The following NTM variants were observed in gnomAD, a reference collection of about 807,000 sequenced individuals.
The protein encoded by NTM is IgLON family member 2.
Under a neutral mutation model 42.1 loss-of-function variants are expected in NTM, and 13 were observed. The observed-to-expected ratio is 0.31, with a 90% CI of 0.20 to 0.49. The LOEUF (loss-of-function observed/expected upper bound fraction) is 0.49. NTM is among the 20% of genes least tolerant of loss of function. NTM has a pLI of 0.99. For synonymous variants in NTM, 187 were observed against 179.2 expected (o/e 1.04, Z -0.35); for missense variants, 373 against 452.8 (o/e 0.82, Z 1.60).
chr11:131,531,623 T>C (rs1179345284), intron 1 of NTM, among the ~76,000 whole-genome samples: 1 of 152,220 alleles, frequency 6.6e-6, no homozygotes, highest in African/African-American at 2.4e-5. Context: ...GGCATAGAAC[T>C]AAAATAAAAC....
At chr11:132,325,711 C>A (rs374563908) in intron 7 of NTM, among the ~76,000 whole-genome samples, 6 of 152,132 alleles carry the variant, frequency 3.9e-5, no homozygotes, top group Admixed American at 6.5e-5. Context: ...TAAAGACACA[C>A]GCACACATAT....
At chr11:131,464,359 T>TGGG (rs143677319) in intron 1 of NTM, among the ~76,000 whole-genome samples, 23 of 146,256 alleles carry the variant, frequency 1.6e-4, no homozygotes, top group African/African-American at 5.5e-4. Context: ...CAGGGAAAGC[T>TGGG]GGGGGGGGGG....
At chr11:131,933,475 G>C (rs1300543846) in intron 2 of NTM, among the ~76,000 whole-genome samples, 1 of 152,126 alleles carries the variant, frequency 6.6e-6, no homozygotes, top group East Asian at 1.9e-4. Flanking sequence ...CATTTATCTA[G>C]GTTAAAGGTA....
At chr11:131,905,630 AT>A (rs58756008) in intron 1 of NTM, among the ~76,000 whole-genome samples, 37 of 145,688 alleles carry the variant, frequency 2.5e-4, no homozygotes, top group African/African-American at 7.3e-4. Flanking sequence ...TGTCTTTTCC[AT>A]TTTTTTTTTC....
intron 1 of NTM, among the ~76,000 whole-genome samples, chr11:131,377,989 G>A (rs889765287): frequency 3.2e-4 from 48 of 152,202 alleles, no homozygotes; most frequent in African/African-American, 1.1e-3. Flanking sequence ...GATCCTCAGT[G>A]GGTAGGTGCA....
intron 1 of NTM, among the ~76,000 whole-genome samples, chr11:131,847,792 G>A (rs527472995): frequency 2.0e-5 from 3 of 152,326 alleles, no homozygotes; most frequent in East Asian, 3.9e-4. Flanking sequence ...CACGCTCTGT[G>A]ACTGGGGAGG....
chr11:132,280,445 G>A (rs1228697932), intron 4 of NTM, among the ~76,000 whole-genome samples: 2 of 148,318 alleles, frequency 1.3e-5, no homozygotes, highest in Non-Finnish European at 3.0e-5. Context: ...GACATCTCCT[G>A]GCCTCACCAC....
At chr11:132,226,915 T>G (rs1309053073) in intron 4 of NTM, among the ~76,000 whole-genome samples, 1 of 152,248 alleles carries the variant, frequency 6.6e-6, no homozygotes, top group East Asian at 1.9e-4. Context: ...TAATATACTA[T>G]TCTTGTCCAT....
At chr11:132,030,998 C>T (rs944159705) in intron 2 of NTM, among the ~76,000 whole-genome samples, 5 of 152,136 alleles carry the variant, frequency 3.3e-5, no homozygotes, top group African/African-American at 1.2e-4. Flanking sequence ...AGCTACTCAC[C>T]CAGACCTGGT....
At chr11:131,776,602 A>T (rs2087023799) in intron 1 of NTM, among the ~76,000 whole-genome samples, 1 of 151,696 alleles carries the variant, frequency 6.6e-6, no homozygotes, top group South Asian at 2.1e-4. Flanking sequence ...TTTTGTCAGC[A>T]TCTACTTCAA....
At chr11:132,135,153 C>T (rs1340192695) in intron 2 of NTM, among the ~76,000 whole-genome samples, 4 of 152,116 alleles carry the variant, frequency 2.6e-5, no homozygotes, top group African/African-American at 9.7e-5. Context: ...GTTCTTGGCA[C>T]TCCAAGGTCT....
rs145702760 is a variant in NTM at position 132,033,721 on chromosome 11, A to G, written c.168-112561A>G. 1.2e-4 allele frequency among the ~76,000 whole-genome samples: 19 copies of G among 152,352 alleles called. No homozygotes were observed. The East Asian group carries it at 2.3e-3, about 19-fold the overall frequency. ...GAAAAATCAAAGACCTCTGCAGATC[A>G]GCCATAATTGGCTGTGGTATGGTCC... On this transcript the variant is annotated intron_variant, in intron 2 of 8. Coordinates refer to ENST00000683400, the MANE Select transcript of NTM (RefSeq NM_001352005.2).
intron 2 of NTM, among the ~76,000 whole-genome samples, chr11:132,083,263 T>G (rs959557809): frequency 6.6e-6 from 1 of 152,372 alleles, no homozygotes; most frequent in East Asian, 1.9e-4. Flanking sequence ...TATGATTAGC[T>G]TTGAAACAGA....
At chr11:131,392,528 G>A (rs1944139996) in intron 1 of NTM, among the ~76,000 whole-genome samples, 1 of 152,238 alleles carries the variant, frequency 6.6e-6, no homozygotes, top group South Asian at 2.1e-4. Context: ...TCATGGGTGA[G>A]GGTAGGGGAG....
At chr11:132,019,172 C>G (rs970599623) in intron 2 of NTM, among the ~76,000 whole-genome samples, 9 of 151,246 alleles carry the variant, frequency 6.0e-5, no homozygotes, top group African/African-American at 1.7e-4. Context: ...TTTTCATTCT[C>G]TTATCATTAT....
intron 1 of NTM, among the ~76,000 whole-genome samples, chr11:131,703,985 A>C (rs1278220969): frequency 1.3e-5 from 2 of 152,156 alleles, no homozygotes; most frequent in East Asian, 3.9e-4. Context: ...ACCAGGCTTT[A>C]GACCCACTTC....
intron 1 of NTM, chr11:131,671,318 A>T: frequency 1.8e-6 from 1 of 555,928 alleles, no homozygotes; most frequent in Non-Finnish European, 2.3e-6. Flanking sequence ...TGGCGTCTAT[A>T]CTCATCCTCC....
At chr11:132,236,925 G>C (rs1047056898) in intron 4 of NTM, among the ~76,000 whole-genome samples, 3 of 152,158 alleles carry the variant, frequency 2.0e-5, no homozygotes, top group African/African-American at 7.2e-5. Context: ...CACATGGCGA[G>C]ACCTTCAAGA....
intron 1 of NTM, among the ~76,000 whole-genome samples, chr11:131,863,766 G>A (rs866632360): frequency 1.3e-5 from 2 of 152,148 alleles, no homozygotes; most frequent in Non-Finnish European, 1.5e-5. Context: ...TCTTCCACAG[G>A]TTCAGGATGT....
Sources: gnomAD v4.1 joint callset for allele counts (sites outside exome capture counted in the v4.1 genomes callset) on GRCh38, gnomAD v4.1.1 for gene constraint, MANE v1.5 for transcripts, NCBI Gene and HGNC (gene_info 2026-07-23, HGNC 2026-07-21) for gene names.